ADAMTSL1: variants seen among roughly 807,000 people sequenced by gnomAD.
ADAMTSL1 encodes the protein ADAMTS-like protein 1.
Under a neutral mutation model 201.8 loss-of-function variants are expected in ADAMTSL1, and 126 were observed. The ratio of observed to expected loss-of-function variants is 0.62; its 90% confidence interval spans 0.54 to 0.72. The LOEUF is 0.72. Among genes scored for constraint, ADAMTSL1 ranks in the 30% least tolerant of loss-of-function variants. The pLI is 0.00. For missense variants in ADAMTSL1, 2,679 were observed against 2,277.8 expected (o/e 1.18, Z -3.59); for synonymous variants, 1,121 against 903.4 (o/e 1.24, Z -4.32).
chr9:18,292,140 T>C (rs948655599), intron 2 of ADAMTSL1, among the ~76,000 whole-genome samples: 5 of 152,018 alleles, frequency 3.3e-5, no homozygotes, highest in African/African-American at 1.2e-4. Context: ...GGTCATTTAG[T>C]AAATGGAAAT....
intron 2 of ADAMTSL1, among the ~76,000 whole-genome samples, chr9:18,342,464 G>A (rs535881786): frequency 9.2e-5 from 14 of 152,216 alleles, no homozygotes; most frequent in Admixed American, 3.9e-4. Flanking sequence ...GGGTCCACTC[G>A]TTTAGGAAAG....
chr9:18,300,667 G>C (rs185359037), intron 2 of ADAMTSL1, among the ~76,000 whole-genome samples: 1 of 152,166 alleles, frequency 6.6e-6, no homozygotes, highest in East Asian at 1.9e-4. Flanking sequence ...ATGAATATAT[G>C]TCCCTAAAAC....
intron 16 of ADAMTSL1, among the ~76,000 whole-genome samples, chr9:18,764,024 C>A (rs1820225268): frequency 6.6e-6 from 1 of 152,084 alleles, no homozygotes; most frequent in Admixed American, 6.6e-5. Flanking sequence ...TTTTCTATTT[C>A]TGTGAAGAAT....
At chr9:18,452,822 A>C (rs1820461075) in intron 2 of ADAMTSL1, among the ~76,000 whole-genome samples, 1 of 152,246 alleles carries the variant, frequency 6.6e-6, no homozygotes, top group Non-Finnish European at 1.5e-5. Context: ...GGCCTCACGC[A>C]GCCTCATTCC....
chr9:18,207,044 A>T (rs1003465979), intron 2 of ADAMTSL1, among the ~76,000 whole-genome samples: 4 of 152,150 alleles, frequency 2.6e-5, no homozygotes, highest in Non-Finnish European at 5.9e-5. Context: ...GCATGCCTGT[A>T]ATCCCAGCTA....
At chr9:18,894,713 A>G (rs778171274) in intron 26 of ADAMTSL1, among the ~76,000 whole-genome samples, 8 of 152,220 alleles carry the variant, frequency 5.3e-5, no homozygotes, top group Non-Finnish European at 8.8e-5. Context: ...GTAGTTGCAC[A>G]TATAGGTCTG....
intron 19 of ADAMTSL1, among the ~76,000 whole-genome samples, chr9:18,785,322 T>A (rs72690556): frequency 2.0e-5 from 3 of 152,172 alleles, no homozygotes; most frequent in Non-Finnish European, 4.4e-5. Flanking sequence ...TAAATTAACA[T>A]TCAATATTCT....
intron 2 of ADAMTSL1, among the ~76,000 whole-genome samples, chr9:18,310,068 C>G (rs1024530507): frequency 6.6e-6 from 1 of 152,036 alleles, no homozygotes; most frequent in Non-Finnish European, 1.5e-5. Flanking sequence ...ACAAACCTGA[C>G]AAATACAAGC....
At chr9:18,896,645 C>G (rs1251798302) in intron 26 of ADAMTSL1, among the ~76,000 whole-genome samples, 1 of 152,174 alleles carries the variant, frequency 6.6e-6, no homozygotes, top group Non-Finnish European at 1.5e-5. Context: ...AAAACCTTCA[C>G]CCCCCAGCCA....
rs1020712822 is a variant in ADAMTSL1, at chr9:18,680,064, A to G, written c.1137-248A>G. 5.3e-5 allele frequency among the ~76,000 whole-genome samples: 8 copies of G among 152,226 alleles called. No individual in the cohort carries two copies. In the East Asian group the frequency reaches 1.3e-3, roughly 26 times the overall value. ...ACAGACGGCACACATATCTTTGTGG[A>G]CAGCTCTCAAAACTGTAATGGCTTA... On this transcript the variant is annotated intron_variant, in intron 10 of 28. Coordinates refer to ENST00000380548, the MANE Select transcript of ADAMTSL1 (RefSeq NM_001040272.6).
chr9:18,259,912 A>T (rs1831850067), intron 2 of ADAMTSL1, among the ~76,000 whole-genome samples: 1 of 152,212 alleles, frequency 6.6e-6, no homozygotes, highest in Non-Finnish European at 1.5e-5. Context: ...TCACTGTGAG[A>T]TCATGATCTT....
At chr9:18,474,980 T>C (rs1341199998) in intron 1 of ADAMTSL1, among the ~76,000 whole-genome samples, 1 of 152,202 alleles carries the variant, frequency 6.6e-6, no homozygotes, top group Non-Finnish European at 1.5e-5. Context: ...TCAGTACACA[T>C]TGCATTTTTG....
chr9:18,815,199 A>G (rs116922118), intron 20 of ADAMTSL1, among the ~76,000 whole-genome samples: 2,869 of 152,094 alleles, frequency 0.019, 46 homozygotes, highest in Non-Finnish European at 0.031. Flanking sequence ...CAGCAATCCT[A>G]CTCCTGGGTA....
At chr9:18,245,275 T>C (rs1831216042) in intron 2 of ADAMTSL1, among the ~76,000 whole-genome samples, 1 of 142,284 alleles carries the variant, frequency 7.0e-6, no homozygotes, top group Non-Finnish European at 1.6e-5. Context: ...ATAGGTCAAA[T>C]GAGTAATTTA....
At chr9:17,945,271 A>G (rs1332415119) in intron 1 of ADAMTSL1, among the ~76,000 whole-genome samples, 18 of 133,498 alleles carry the variant, frequency 1.3e-4, no homozygotes, top group Non-Finnish European at 2.4e-4. Flanking sequence ...ATGAGATACC[A>G]TCTCACACCA....
intron 2 of ADAMTSL1, among the ~76,000 whole-genome samples, chr9:18,252,107 AAAG>A (rs2132494337): frequency 6.6e-6 from 1 of 152,298 alleles, no homozygotes; most frequent in East Asian, 1.9e-4. Context: ...TATAGTATAA[AAAG>A]AAGAAAGAAA....
chr9:18,846,159 C>G (rs1017609340), intron 23 of ADAMTSL1, among the ~76,000 whole-genome samples: 1 of 152,166 alleles, frequency 6.6e-6, no homozygotes, highest in East Asian at 1.9e-4. Context: ...AGGCACTGTT[C>G]TAGGTACTGA....
intron 1 of ADAMTSL1, among the ~76,000 whole-genome samples, chr9:18,096,191 A>G (rs997919511): frequency 1.4e-4 from 21 of 152,154 alleles, no homozygotes; most frequent in African/African-American, 4.8e-4. Context: ...GGTCAGCTTC[A>G]TTTACTCAGC....
At chr9:18,711,949 A>ATG (rs1832638153) in intron 14 of ADAMTSL1, among the ~76,000 whole-genome samples, 1 of 140,958 alleles carries the variant, frequency 7.1e-6, no homozygotes, top group Non-Finnish European at 1.6e-5. Flanking sequence ...CCTGACCCCC[A>ATG]AGCAGCCTAA....
Sources: allele counts gnomAD v4.1 joint callset (sites outside exome capture counted in the v4.1 genomes callset), GRCh38; gene constraint gnomAD v4.1.1; transcripts MANE v1.5; gene names NCBI Gene and HGNC (gene_info 2026-07-23, HGNC 2026-07-21).